The following DPY19L1 variants were observed in gnomAD, a reference collection of about 807,000 sequenced individuals.
The protein encoded by DPY19L1 is protein C-mannosyl-transferase DPY19L1.
Under a neutral mutation model 96.9 loss-of-function variants are expected in DPY19L1, and 35 were observed. The ratio of observed to expected loss-of-function variants is 0.36; its 90% CI spans 0.28 to 0.48. The LOEUF is 0.48. DPY19L1 is among the 20% of genes least tolerant of loss of function. The pLI, the probability that DPY19L1 is intolerant of heterozygous loss-of-function variation, is 0.99. For synonymous variants in DPY19L1, 205 were observed against 252.6 expected, an observed-to-expected ratio of 0.81 and a Z score of 1.79; for missense variants, 521 against 777.9, an observed-to-expected ratio of 0.67 and a Z score of 3.93.
intron 1 of DPY19L1, among the ~76,000 whole-genome samples, chr7:35,032,305 T>G (rs1786278630): frequency 6.6e-6 from 1 of 152,166 alleles, no homozygotes; most frequent in Non-Finnish European, 1.5e-5. Context: ...CTGGCCCTTC[T>G]ACATTCTAGG....
chr7:34,933,385 T>C (rs1196534153), intron 21 of DPY19L1, among the ~76,000 whole-genome samples: 2 of 152,236 alleles, frequency 1.3e-5, no homozygotes, highest in East Asian at 3.9e-4. Flanking sequence ...CATACAATAT[T>C]TGCTATCTGC....
chr7:34,934,269 A>G (rs1783818546), intron 21 of DPY19L1, among the ~76,000 whole-genome samples: 1 of 152,028 alleles, frequency 6.6e-6, no homozygotes, highest in South Asian at 2.1e-4. Flanking sequence ...GGCCACATCT[A>G]TCCTATTAGT....
chr7:35,023,791 A>G (rs1299325938), intron 1 of DPY19L1, among the ~76,000 whole-genome samples: 1 of 150,646 alleles, frequency 6.6e-6, no homozygotes, highest in African/African-American at 2.4e-5. Flanking sequence ...TTGTCTTGTA[A>G]CAATATTTAT....
At chr7:34,985,831 TC>T (rs1184921303) in intron 7 of DPY19L1, among the ~76,000 whole-genome samples, 1 of 151,902 alleles carries the variant, frequency 6.6e-6, no homozygotes, top group Non-Finnish European at 1.5e-5. Flanking sequence ...GGAACTGAAA[TC>T]AGTACATCAG....
At chr7:35,000,116 G>A (rs1785387150) in intron 6 of DPY19L1, among the ~76,000 whole-genome samples, 1 of 152,114 alleles carries the variant, frequency 6.6e-6, no homozygotes, top group Non-Finnish European at 1.5e-5. Context: ...CCATTGTAGA[G>A]CACATTAATA....
intron 20 of DPY19L1, among the ~76,000 whole-genome samples, chr7:34,938,339 T>A (rs1259520443): frequency 6.6e-6 from 1 of 152,198 alleles, no homozygotes; most frequent in Non-Finnish European, 1.5e-5. Context: ...AACACACCCC[T>A]ACATTCCCAA....
intron 20 of DPY19L1, among the ~76,000 whole-genome samples, chr7:34,938,857 C>T (rs1284600995): frequency 3.9e-5 from 6 of 151,998 alleles, no homozygotes; most frequent in African/African-American, 1.5e-4. Flanking sequence ...TGGTGAAAAC[C>T]AGAATAAACT....
At chr7:34,959,802 G>A (rs1275123795) in intron 10 of DPY19L1, among the ~76,000 whole-genome samples, 12 of 150,358 alleles carry the variant, frequency 8.0e-5, no homozygotes, top group Non-Finnish European at 1.0e-4. Context: ...ACCATGACAC[G>A]TGTATACCTA....
intron 1 of DPY19L1, among the ~76,000 whole-genome samples, chr7:35,023,211 C>CTT (rs1786036763): frequency 6.6e-6 from 1 of 152,198 alleles, no homozygotes; most frequent in African/African-American, 2.4e-5. Flanking sequence ...GCTCTTACCC[C>CTT]TTCCCCTCCC....
intron 9 of DPY19L1, 28 bp from the exon 10 acceptor site, chr7:34,966,999 A>G (rs1314282047): frequency 6.8e-7 from 1 of 1,466,866 alleles, no homozygotes; most frequent in Non-Finnish European, 9.2e-7. Flanking sequence ...ATTAGAAGTA[A>G]AAAAGATAAA....
At chr7:35,035,974 T>C (rs1786387794) in intron 1 of DPY19L1, among the ~76,000 whole-genome samples, 1 of 151,750 alleles carries the variant, frequency 6.6e-6, no homozygotes, top group South Asian at 2.1e-4. Flanking sequence ...AAAAACAAAC[T>C]TGGTTTTTCT....
intron 6 of DPY19L1, among the ~76,000 whole-genome samples, chr7:35,008,380 G>T (rs1223398790): frequency 6.6e-6 from 1 of 152,144 alleles, no homozygotes; most frequent in South Asian, 2.1e-4. Flanking sequence ...GTTAGGTCAG[G>T]TCAGGGCCAA....
chr7:34,933,071 C>CA (rs1311949062), intron 21 of DPY19L1, among the ~76,000 whole-genome samples: 1 of 152,088 alleles, frequency 6.6e-6, no homozygotes, highest in Non-Finnish European at 1.5e-5. Context: ...AAGTCACCAT[C>CA]ATCTCCAATA....
intron 10 of DPY19L1, among the ~76,000 whole-genome samples, chr7:34,961,645 C>A (rs1784503603): frequency 6.6e-6 from 1 of 152,096 alleles, no homozygotes; most frequent in African/African-American, 2.4e-5. Flanking sequence ...AATTGATAAG[C>A]TGAACTTCAT....
chr7:35,004,415 A>C, intron 6 of DPY19L1, among the ~76,000 whole-genome samples: 1 of 152,382 alleles, frequency 6.6e-6, no homozygotes, highest in African/African-American at 2.4e-5. Flanking sequence ...TGAGTGGCAC[A>C]ATCATAAAGA....
At chr7:35,009,298 GA>G (rs1300929044) in intron 6 of DPY19L1, among the ~76,000 whole-genome samples, 2 of 152,110 alleles carry the variant, frequency 1.3e-5, no homozygotes, top group Non-Finnish European at 2.9e-5. Flanking sequence ...ATCCCAAATT[GA>G]AAATCATATA....
intron 1 of DPY19L1, among the ~76,000 whole-genome samples, chr7:35,023,695 T>C (rs573862225): frequency 6.6e-6 from 1 of 152,278 alleles, no homozygotes; most frequent in East Asian, 1.9e-4. Context: ...CTAGAGATGG[T>C]TGAACCCAGG....
intron 7 of DPY19L1, among the ~76,000 whole-genome samples, chr7:34,980,176 T>A (rs1292475319): frequency 6.6e-6 from 1 of 152,114 alleles, no homozygotes; most frequent in East Asian, 1.9e-4. Context: ...TAACAAGTGG[T>A]ACTAGGTTAA....
intron 15 of DPY19L1, among the ~76,000 whole-genome samples, chr7:34,946,640 T>G (rs770330146): frequency 6.6e-5 from 10 of 152,220 alleles, no homozygotes; most frequent in Admixed American, 2.6e-4. Flanking sequence ...CAGCAGGAAC[T>G]GACTCTTAAC....
Sources: allele counts gnomAD v4.1 joint callset (sites outside exome capture counted in the v4.1 genomes callset), GRCh38; gene constraint gnomAD v4.1.1; transcripts MANE v1.5; gene names NCBI Gene and HGNC (gene_info 2026-07-23, HGNC 2026-07-21).